The following CACNA1C variants were observed in gnomAD, a reference collection of about 807,000 sequenced individuals.
CACNA1C encodes voltage-dependent L-type calcium channel subunit alpha-1C.
In CACNA1C, 30 loss-of-function variants were observed where a neutral mutation model predicts 229.0. That is an observed-to-expected ratio of 0.13 (90% CI 0.10 to 0.18). CACNA1C has a LOEUF of 0.18. Ranked by LOEUF, CACNA1C falls within the 10% of genes least tolerant of loss-of-function variation. The probability of loss-of-function intolerance (pLI) is 1.00; values close to 1 mark genes in which losing one functional copy is unlikely to be tolerated. For missense variants in CACNA1C, 1,658 were observed against 2,845.0 expected, an observed-to-expected ratio of 0.58 and a Z score of 9.49; for synonymous variants, 1,114 against 1,132.5, an observed-to-expected ratio of 0.98 and a Z score of 0.33.
chr12:2,667,205 A>G (rs2096185721), intron 37 of CACNA1C, among the ~76,000 whole-genome samples: 1 of 112,014 alleles, frequency 8.9e-6, no homozygotes, highest in African/African-American at 5.7e-5. Flanking sequence ...TCTCACTTTA[A>G]TCAGATTCCT....
intron 1 of CACNA1C, among the ~76,000 whole-genome samples, chr12:2,047,030 C>T (rs1330355766): frequency 3.3e-5 from 5 of 152,188 alleles, no homozygotes; most frequent in Admixed American, 1.3e-4. Context: ...GGGATTTCCC[C>T]CAAAGCCTTC....
chr12:2,015,906 C>A (rs1174460961), intron 1 of CACNA1C, among the ~76,000 whole-genome samples: 5 of 152,122 alleles, frequency 3.3e-5, no homozygotes, highest in Non-Finnish European at 1.5e-5. Context: ...GAGGATTAAA[C>A]AAGAAAATAC....
At chr12:2,222,688 A>T (rs2061781753) in intron 3 of CACNA1C, among the ~76,000 whole-genome samples, 1 of 152,160 alleles carries the variant, frequency 6.6e-6, no homozygotes, top group African/African-American at 2.4e-5. Context: ...TGGCCAGCTC[A>T]CGTCTGATCC....
rs1243517314 is a variant in CACNA1C at position 2,457,485 on chromosome 12, G to A, written c.618-82G>A. ...AGACGCCTGCGCAATCTGCTTTTCC[G>A]GGCTGTATCCAGAGGTCAGAGCCCC... On this transcript the variant is annotated intron_variant, in intron 4 of 46. Coordinates refer to ENST00000399655, the MANE Select transcript of CACNA1C (RefSeq NM_000719.7). 1.9e-5 allele frequency: 28 copies of A among 1,470,996 alleles called. No individual in the cohort carries two copies. In the East Asian group the frequency reaches 2.4e-4, roughly 12 times the overall value. The allele number at this position is 1,470,996 out of a possible 1,614,324, so 91.1% of individuals were successfully genotyped here.
At chr12:2,543,667 C>G (rs2099876177) in intron 9 of CACNA1C, among the ~76,000 whole-genome samples, 1 of 152,150 alleles carries the variant, frequency 6.6e-6, no homozygotes, top group Admixed American at 6.5e-5. Flanking sequence ...TAGATATATG[C>G]AGTGCCCCAA....
rs76867288 is a variant in CACNA1C at position 2,181,961 on chromosome 12, G to A, written c.477+61531G>A. 1.3e-5 allele frequency among the ~76,000 whole-genome samples: 2 copies of A among 151,946 alleles called. No individual in the cohort carries two copies. Among genetic ancestry groups the A allele is most frequent in the South Asian group, 2.1e-4 (1 of 4,802 alleles). ...AATGTAGAACTCCGACCAGTGGGTG[G>A]AGGGTATGGGTTCAATAGGGAGCTC... On this transcript the variant is annotated intron_variant, in intron 3 of 46. Transcript: ENST00000399655. The surrounding 1 kb of genome is among the most constrained non-coding windows in gnomAD (Gnocchi z 4.0).
chr12:2,227,080 G>A (rs1181672303), intron 3 of CACNA1C, among the ~76,000 whole-genome samples: 3 of 152,150 alleles, frequency 2.0e-5, no homozygotes, highest in African/African-American at 4.8e-5. Context: ...GGTGATGGGG[G>A]GATTGCTGCA....
At chr12:2,293,940 G>C (rs1436586570) in intron 3 of CACNA1C, among the ~76,000 whole-genome samples, 1 of 152,126 alleles carries the variant, frequency 6.6e-6, no homozygotes, top group Non-Finnish European at 1.5e-5. Context: ...GAGAACTCTT[G>C]TAATAACTCT....
intron 3 of CACNA1C, among the ~76,000 whole-genome samples, chr12:2,208,490 C>T (rs1214091890): frequency 6.6e-6 from 1 of 152,064 alleles, no homozygotes; most frequent in African/African-American, 2.4e-5. Flanking sequence ...GAGTGGATGC[C>T]GCCGGCTGAG....
At chr12:2,191,658 G>A (rs545674817) in intron 3 of CACNA1C, among the ~76,000 whole-genome samples, 15 of 148,828 alleles carry the variant, frequency 1.0e-4, no homozygotes, top group Middle Eastern at 3.6e-3. Flanking sequence ...GCACACACAC[G>A]CACATGTACT....
At chr12:2,680,848 G>A (rs1028355322) in intron 42 of CACNA1C, among the ~76,000 whole-genome samples, 1 of 152,224 alleles carries the variant, frequency 6.6e-6, no homozygotes, top group African/African-American at 2.4e-5. Flanking sequence ...GCAGCACTGG[G>A]GGCATCCTTC....
chr12:2,347,962 C>A (rs1024837010), intron 3 of CACNA1C, among the ~76,000 whole-genome samples: 6 of 152,236 alleles, frequency 3.9e-5, no homozygotes, highest in African/African-American at 1.4e-4. Flanking sequence ...AGGATTATGC[C>A]CTGGGGCCAT....
At position 2,450,553 on chromosome 12, in the gene CACNA1C, CAAAAAAAAAAAA is replaced by C. The variant is rs796416420; in HGVS notation, c.617+1452_617+1463del. Among the ~76,000 whole-genome samples, 195 of 39,030 alleles carry C rather than the reference CAAAAAAAAAAAA, an allele frequency of 5.0e-3. 2 individuals are homozygous for C. The highest frequency in any genetic ancestry group is 0.016 in the African/African-American group (188 of 11,966). The allele number at this position is 39,030 out of a possible 152,430, so 25.6% of individuals were successfully genotyped here. A position where few individuals can be genotyped will look rare whatever the true frequency, so the allele number is the denominator to read the frequency against. ...TGGGCAACAGAGCGAGACTCCATCT[CAAAAAAAAAAAA>C]AAAAAAAAAAAAACGCAGGTGATGA... On this transcript the variant is annotated intron_variant, in intron 4 of 46. Transcript: ENST00000399655.
In CACNA1C at chr12:2,582,797, T is replaced by A. The variant is rs763225115; in HGVS notation, c.2104-25T>A. 5 of 1,612,846 alleles carry A rather than the reference T, an allele frequency of 3.1e-6. No individual in the cohort carries two copies. In the African/African-American group the frequency reaches 6.7e-5, roughly 22 times the overall value. ...TGCTGTTGGTCTAACGCTGTGTCCC[T>A]TATTGGTGGGAATGTGTCATTCAGA... On this transcript the variant is annotated intron_variant, in intron 14 of 46. Coordinates refer to ENST00000399655, the MANE Select transcript of CACNA1C (RefSeq NM_000719.7).
intron 29 of CACNA1C, among the ~76,000 whole-genome samples, chr12:2,621,910 G>A (rs549480576): frequency 6.6e-6 from 1 of 152,328 alleles, no homozygotes; most frequent in East Asian, 1.9e-4. Flanking sequence ...ATCTGGGCTG[G>A]AGATGTATTT....
chr12:2,480,213 G>A (rs777017158), intron 5 of CACNA1C, among the ~76,000 whole-genome samples: 6 of 152,168 alleles, frequency 3.9e-5, no homozygotes, highest in Non-Finnish European at 8.8e-5. Context: ...CTGACAGACG[G>A]AGAGCCCTGG....
chr12:2,682,662 C>G lies in CACNA1C; in HGVS notation c.5557C>G (p.Leu1853Val), dbSNP rs879206313. Reference sequence around the variant, plus strand: ...CACGGAGGCCTGCAGTGAGCCCAGCCTGCTCTCCACAGAGATGTGAGCTCT... The same window carrying G: ...CACGGAGGCCTGCAGTGAGCCCAGCGTGCTCTCCACAGAGATGTGAGCTCT... ...HDTEACSEPSLLSTEMLSYQD... is the reference protein window; with the variant it reads ...HDTEACSEPSVLSTEMLSYQD... Residue 1853 changes from leucine (L) to valine (V), a missense_variant, in exon 43 of 47, where the codon CTG (leucine) becomes GTG (valine). Physicochemically the swap from Leu to Val is conservative, Grantham distance 32. Coordinates refer to ENST00000399655, the MANE Select transcript of CACNA1C (RefSeq NM_000719.7). 11 of 1,611,160 alleles carry G rather than the reference C, an allele frequency of 6.8e-6. No individual in the cohort carries two copies. Among genetic ancestry groups the G allele is most frequent in the Admixed American group, 5.0e-5 (3 of 59,888 alleles).
At position 2,608,777 on chromosome 12, in the gene CACNA1C, C is replaced by A; in HGVS notation, c.3558+65C>A. ...GGAGGGAATGGCAGCCTGCGGCCCA[C>A]CCCGCAGAGGGGCTGCGACAGGGAG... On this transcript the variant is annotated intron_variant, in intron 27 of 46. Transcript: ENST00000399655. This position sits in a 1 kb window ranked among gnomAD's most constrained non-coding sequence, Gnocchi z 4.2. 2.6e-6 allele frequency: 4 copies of A among 1,526,374 alleles called. No individual in the cohort carries two copies. The highest frequency in any genetic ancestry group is 3.6e-6 in the Non-Finnish European group (4 of 1,109,898). 94.6% of individuals were successfully genotyped at this position (1,526,374 alleles called of 1,614,324 possible). A position where few individuals can be genotyped will look rare whatever the true frequency, so the allele number is the denominator to read the frequency against.
intron 11 of CACNA1C, among the ~76,000 whole-genome samples, chr12:2,563,070 T>C (rs1336702896): frequency 6.6e-6 from 1 of 152,224 alleles, no homozygotes; most frequent in East Asian, 1.9e-4. Context: ...TTCTACTCTC[T>C]GTATCCATGA....
Sources: allele counts gnomAD v4.1 joint callset (sites outside exome capture counted in the v4.1 genomes callset), GRCh38; gene constraint gnomAD v4.1.1; non-coding constraint Gnocchi (gnomAD v3.1); transcripts MANE v1.5; gene names NCBI Gene and HGNC (gene_info 2026-07-23, HGNC 2026-07-21).